CHSY3: variants seen among roughly 807,000 people sequenced by gnomAD.
CHSY3 encodes the protein chondroitin sulfate synthase 3.
A neutral mutation model predicts 67.2 loss-of-function variants in CHSY3; 35 were observed. The ratio of observed to expected loss-of-function variants is 0.52; its 90% CI spans 0.40 to 0.69. CHSY3 has a LOEUF of 0.69. Among genes scored for constraint, CHSY3 ranks in the 30% least tolerant of loss-of-function variants. The pLI, the probability that CHSY3 is intolerant of heterozygous loss-of-function variation, is 0.00. For missense variants in CHSY3, 1,069 were observed against 1,138.5 expected (o/e 0.94, Z 0.88); for synonymous variants, 474 against 434.7 (o/e 1.09, Z -1.12).
intron 2 of CHSY3, among the ~76,000 whole-genome samples, chr5:130,109,645 C>A (rs1180615055): frequency 6.6e-6 from 1 of 151,610 alleles, no homozygotes; most frequent in East Asian, 1.9e-4. Context: ...AGAGCTGCAC[C>A]TTTGCTTCTT....
At chr5:130,053,422 A>G (rs1425555001) in intron 2 of CHSY3, among the ~76,000 whole-genome samples, 2 of 152,136 alleles carry the variant, frequency 1.3e-5, no homozygotes, top group African/African-American at 2.4e-5. Context: ...CCAGGTAGGC[A>G]GATCTGTAGA....
At chr5:130,004,906 T>A (rs991550724) in intron 2 of CHSY3, among the ~76,000 whole-genome samples, 1 of 152,204 alleles carries the variant, frequency 6.6e-6, no homozygotes, top group Non-Finnish European at 1.5e-5. Flanking sequence ...TTTTGTTATA[T>A]AAATAACTTT....
intron 1 of CHSY3, among the ~76,000 whole-genome samples, chr5:129,907,259 T>C (rs1046528639): frequency 6.6e-6 from 1 of 152,206 alleles, no homozygotes; most frequent in African/African-American, 2.4e-5. Context: ...GAATGAAATG[T>C]GTTTTGAATT....
At chr5:130,090,116 CAA>C (rs1379216498) in intron 2 of CHSY3, among the ~76,000 whole-genome samples, 1 of 152,116 alleles carries the variant, frequency 6.6e-6, no homozygotes, top group Non-Finnish European at 1.5e-5. Flanking sequence ...TTAAAAAATT[CAA>C]AGTTTCTGTC....
chr5:130,178,205 A>T lies in CHSY3; in HGVS notation c.1087-6024A>T, dbSNP rs868387903. ...TGTGTGTGTATATATATATATTTAT[A>T]TATATATGTATATATTTATATTTAT... On this transcript the variant is annotated intron_variant, in intron 2 of 2. Coordinates refer to ENST00000305031, the MANE Select transcript of CHSY3 (RefSeq NM_175856.5). 3.9e-4 allele frequency among the ~76,000 whole-genome samples: 47 copies of T among 119,838 alleles called. 1 individual carries two copies. The highest frequency in any genetic ancestry group is 7.3e-4 in the South Asian group (3 of 4,084). The allele number at this position is 119,838 out of a possible 152,430, so 78.6% of individuals were successfully genotyped here.
In CHSY3 at chr5:130,014,706, T is replaced by G. The variant is rs565308356; in HGVS notation, c.1086+106346T>G. The stretch of plus-strand genomic sequence containing the variant: ...ATATCAACCATATATAAAAATTAAC[T>G]CAAGAGGGATTAAAGATGTAAATGA... On this transcript the variant is annotated intron_variant, in intron 2 of 2. Coordinates refer to ENST00000305031, the MANE Select transcript of CHSY3 (RefSeq NM_175856.5). Among the ~76,000 whole-genome samples the G allele has an allele frequency of 2.6e-4, 39 of 152,048 alleles. No homozygotes were observed. The South Asian group carries it at 5.0e-3, about 19-fold the overall frequency.
Position 130,184,231 on chromosome 5 carries a change from G to T in CHSY3, c.1089G>T (p.Met363Ile). Reference sequence around the variant, plus strand: ...ATTTTTTTAATTTTACTTTTCAGATGCAACAACTGTTCCATGAAAATTATG... The same window carrying T: ...ATTTTTTTAATTTTACTTTTCAGATTCAACAACTGTTCCATGAAAATTATG... The part of the protein sequence containing the change: ...GGTQCVWSYE[M>I]QQLFHENYEH... The change falls in exon 3 of 3, where the codon ATG becomes ATT. Residue 363 changes from methionine (M) to isoleucine (I), a missense_variant and splice_region_variant. Coordinates refer to ENST00000305031, the MANE Select transcript of CHSY3 (RefSeq NM_175856.5). 6.7e-7 allele frequency: 1 copy of T among 1,487,016 alleles called. No individual in the cohort carries two copies. Among genetic ancestry groups the T allele is most frequent in the Admixed American group, 2.3e-5 (1 of 42,852 alleles). 92.1% of individuals were successfully genotyped at this position (1,487,016 alleles called of 1,614,324 possible).
At chr5:129,921,729 GTATATA>G (rs1760931383) in intron 2 of CHSY3, among the ~76,000 whole-genome samples, 1 of 151,976 alleles carries the variant, frequency 6.6e-6, no homozygotes, top group South Asian at 2.1e-4. Context: ...GGTATGTGTT[GTATATA>G]TTTATACAGT....
chr5:130,045,052 C>T (rs148924448), intron 2 of CHSY3, among the ~76,000 whole-genome samples: 179 of 152,182 alleles, frequency 1.2e-3, no homozygotes, highest in African/African-American at 4.0e-3. Context: ...TGCAGTGGCA[C>T]GAACATGGCT....
In CHSY3 at chr5:130,123,004, A is replaced by G. The variant is rs1006119484; in HGVS notation, c.1087-61225A>G. Among the ~76,000 whole-genome samples the G allele has an allele frequency of 4.6e-5, 7 of 152,252 alleles. 1 individual carries two copies. In the South Asian group the frequency reaches 1.0e-3, roughly 23 times the overall value. ...CTTTACATTTTATATTCTTGAAACA[A>G]ATATTTTAGAATTCATCCTATTGGC... On this transcript the variant is annotated intron_variant, in intron 2 of 2. Transcript: ENST00000305031.
chr5:130,118,552 A>T (rs967052088), intron 2 of CHSY3, among the ~76,000 whole-genome samples: 1 of 152,018 alleles, frequency 6.6e-6, no homozygotes, highest in African/African-American at 2.4e-5. Flanking sequence ...TATGTATTAT[A>T]TAGTGGTGAT....
chr5:130,175,066 G>A (rs1364310222), intron 2 of CHSY3, among the ~76,000 whole-genome samples: 2 of 152,078 alleles, frequency 1.3e-5, no homozygotes, highest in Non-Finnish European at 2.9e-5. Context: ...ATGAATGTGG[G>A]TGCTCCTGTA....
At chr5:129,976,496 A>G (rs879852648) in intron 2 of CHSY3, among the ~76,000 whole-genome samples, 4 of 152,164 alleles carry the variant, frequency 2.6e-5, no homozygotes, top group Non-Finnish European at 4.4e-5. Context: ...CTAAAAATAC[A>G]GTGGATTGTC....
rs1554087188 is a variant in CHSY3 at position 130,162,057 on chromosome 5, AAAAG to A, written c.1087-22156_1087-22153del. On this transcript the variant is annotated intron_variant, in intron 2 of 2. Coordinates refer to ENST00000305031, the MANE Select transcript of CHSY3 (RefSeq NM_175856.5). ...CCCTGTCTCAAAAAAAAAAAAAAAA[AAAAG>A]AAAGAAAGAAAGAAAAAGTTAAGAC... Among the ~76,000 whole-genome samples the A allele has an allele frequency of 7.3e-5, 9 of 122,986 alleles. No homozygotes were observed. In the South Asian group the frequency reaches 1.8e-3, roughly 24 times the overall value. 80.7% of individuals were successfully genotyped at this position (122,986 alleles called of 152,430 possible).
intron 2 of CHSY3, among the ~76,000 whole-genome samples, chr5:130,025,702 A>G (rs1241706723): frequency 6.6e-6 from 1 of 152,006 alleles, no homozygotes; most frequent in Non-Finnish European, 1.5e-5. Flanking sequence ...GTGTCCTCCC[A>G]TAGCAGAAGG....
chr5:129,926,833 T>A (rs578166902), intron 2 of CHSY3, among the ~76,000 whole-genome samples: 20 of 151,918 alleles, frequency 1.3e-4, no homozygotes, highest in African/African-American at 4.8e-4. Context: ...TATACATATT[T>A]GTTACATAAT....
intron 1 of CHSY3, among the ~76,000 whole-genome samples, chr5:129,907,328 A>G (rs1057193168): frequency 1.3e-5 from 2 of 152,222 alleles, no homozygotes; most frequent in Admixed American, 1.3e-4. Flanking sequence ...TGGGATCAAG[A>G]TAATGACTGC....
At chr5:130,101,020 C>A (rs549756276) in intron 2 of CHSY3, among the ~76,000 whole-genome samples, 201 of 152,292 alleles carry the variant, frequency 1.3e-3, no homozygotes, top group African/African-American at 4.5e-3. Flanking sequence ...CTCTTTGCAT[C>A]TAAATGTATT....
intron 2 of CHSY3, among the ~76,000 whole-genome samples, chr5:130,096,202 T>C (rs1476847242): frequency 1.3e-5 from 2 of 152,216 alleles, no homozygotes; most frequent in East Asian, 3.9e-4. Context: ...AGATGGAGTC[T>C]TGCTCTGTCG....
Sources: allele counts gnomAD v4.1 joint callset (sites outside exome capture counted in the v4.1 genomes callset), GRCh38; gene constraint gnomAD v4.1.1; transcripts MANE v1.5; gene names NCBI Gene and HGNC (gene_info 2026-07-23, HGNC 2026-07-21).